The following ANK3 variants were observed in gnomAD, a reference collection of about 807,000 sequenced individuals.
The protein encoded by ANK3 is ankyrin 3, also known as ankyrin-3.
A neutral mutation model predicts 370.9 loss-of-function variants in ANK3; 57 were observed. That is an observed-to-expected ratio of 0.15 (90% CI 0.12 to 0.19). ANK3 has a LOEUF of 0.19. ANK3 is among the 10% of genes least tolerant of loss of function. The pLI, the probability that ANK3 is intolerant of heterozygous loss-of-function variation, is 1.00. For synonymous variants in ANK3, 1,929 were observed against 1,946.3 expected, an observed-to-expected ratio of 0.99 and a Z score of 0.23; for missense variants, 4,439 against 5,302.1, an observed-to-expected ratio of 0.84 and a Z score of 5.06.
At chr10:60,385,726 A>C (rs2062175626) in intron 1 of ANK3, among the ~76,000 whole-genome samples, 1 of 152,174 alleles carries the variant, frequency 6.6e-6, no homozygotes, top group African/African-American at 2.4e-5. Flanking sequence ...ATAGAGAGAG[A>C]TCTACCTACC....
At chr10:60,269,760 A>G (rs2132669515) in intron 5 of ANK3, among the ~76,000 whole-genome samples, 1 of 152,156 alleles carries the variant, frequency 6.6e-6, no homozygotes, top group East Asian at 1.9e-4. Flanking sequence ...AATTTGGAAA[A>G]ACAATTTAAA....
chr10:60,524,771 TG>T lies in ANK3; in HGVS notation c.96+90414del, dbSNP rs531407756. ...CCTGGGGGGTGGCGGATACTGAGAT[TG>T]GGGTCAAGTGAACTTGATTTGTCAT... On this transcript the variant is annotated intron_variant, in intron 2 of 43. Coordinates refer to the ANK3 transcript ENST00000373827. Among the ~76,000 whole-genome samples the T allele has an allele frequency of 1.8e-3, 280 of 152,152 alleles. 1 individual carries two copies. Among genetic ancestry groups the T allele is most frequent in the African/African-American group, 6.5e-3 (270 of 41,532 alleles).
chr10:60,639,347 C>T (rs1200296407), intron 1 of ANK3, among the ~76,000 whole-genome samples: 1 of 150,806 alleles, frequency 6.6e-6, no homozygotes, highest in African/African-American at 2.4e-5. Context: ...GAATTTATTA[C>T]CACTAGACCT....
chr10:60,156,874 T>C (rs1416843244), intron 23 of ANK3, among the ~76,000 whole-genome samples: 1 of 152,128 alleles, frequency 6.6e-6, no homozygotes, highest in Non-Finnish European at 1.5e-5. Flanking sequence ...AACTCTTTAA[T>C]GCCCAGGTAT....
At chr10:60,219,003 G>T (rs1272040366) in intron 8 of ANK3, among the ~76,000 whole-genome samples, 2 of 151,186 alleles carry the variant, frequency 1.3e-5, no homozygotes, top group African/African-American at 4.9e-5. Context: ...CTCTAGTCTT[G>T]TCTGCATGCC....
rs2082904578 is a variant in ANK3, at chr10:60,072,429, T to C, written c.8452A>G (p.Ser2818Gly). The C allele has an allele frequency of 6.2e-7, 1 of 1,614,008 alleles. No individual in the cohort carries two copies. The highest frequency in any genetic ancestry group is 8.5e-7 in the Non-Finnish European group (1 of 1,180,036). ...NVKKQRTEMS[S>G]KAMPDSFSEQ... ...GAAAAAGAGTCAGGCATTGCTTTAC[T>C]TGACATTTCAGTTCTCTGTTTTTTC... Residue 2818 changes from serine to glycine, a missense_variant, in exon 37 of 44, where the codon AGT (serine) becomes GGT (glycine). Physicochemically the swap from Ser to Gly is moderately conservative, Grantham distance 56. Around this residue, in one of 13 missense-constraint regions of ANK3, gnomAD observed 1,601 missense variants for 1,731.7 expected, o/e 0.92. Transcript: ENST00000280772.
At chr10:60,469,048 TATATATACCACTTTTA>T (rs2065090694) in intron 2 of ANK3, among the ~76,000 whole-genome samples, 7 of 95,704 alleles carry the variant, frequency 7.3e-5, no homozygotes, top group African/African-American at 2.7e-4. Context: ...TATATATATA[TATATATACCACTTTTA>T]GTATATATAT....
intron 1 of ANK3, among the ~76,000 whole-genome samples, chr10:60,638,249 CA>C (rs1221130441): frequency 1.3e-5 from 2 of 152,126 alleles, no homozygotes; most frequent in Admixed American, 1.3e-4. Context: ...ATGTTGCCAT[CA>C]GCCAGAGTGG....
At chr10:60,268,642 T>C (rs1021326090) in intron 5 of ANK3, among the ~76,000 whole-genome samples, 3 of 151,804 alleles carry the variant, frequency 2.0e-5, no homozygotes, top group African/African-American at 7.2e-5. Flanking sequence ...ATATATTTGA[T>C]ATATCTAATA....
intron 2 of ANK3, among the ~76,000 whole-genome samples, chr10:60,419,244 A>T (rs998686348): frequency 4.6e-5 from 7 of 152,158 alleles, no homozygotes; most frequent in South Asian, 2.1e-4. Context: ...TTTCAGCTTC[A>T]TCTTAGTCAT....
intron 1 of ANK3, among the ~76,000 whole-genome samples, chr10:60,722,305 G>T (rs1030726295): frequency 6.6e-6 from 1 of 152,004 alleles, no homozygotes; most frequent in Non-Finnish European, 1.5e-5. Context: ...TGCCAGCCAG[G>T]TGTGGCAGCA....
chr10:60,120,201 G>C (rs960760310), intron 25 of ANK3, among the ~76,000 whole-genome samples: 3 of 152,216 alleles, frequency 2.0e-5, no homozygotes, highest in Non-Finnish European at 4.4e-5. Flanking sequence ...TGCTAAGAAC[G>C]TACATTGGAG....
At chr10:60,093,474 G>C (rs573127662) in intron 28 of ANK3, among the ~76,000 whole-genome samples, 1 of 152,270 alleles carries the variant, frequency 6.6e-6, no homozygotes, top group Non-Finnish European at 1.5e-5. Flanking sequence ...ATTTACTTGA[G>C]ATCAGTCTAG....
chr10:60,300,774 T>C (rs1320828148), intron 1 of ANK3, among the ~76,000 whole-genome samples: 1 of 152,168 alleles, frequency 6.6e-6, no homozygotes, highest in East Asian at 1.9e-4. Context: ...ACATTCCTTC[T>C]AAAGACAATA....
chr10:60,489,504 T>C (rs1264583676), intron 2 of ANK3, among the ~76,000 whole-genome samples: 1 of 152,172 alleles, frequency 6.6e-6, no homozygotes, highest in African/African-American at 2.4e-5. Context: ...CCATCTGTGA[T>C]CATATAACTC....
chr10:60,228,430 A>T (rs1224892189), intron 8 of ANK3, among the ~76,000 whole-genome samples: 1 of 151,452 alleles, frequency 6.6e-6, no homozygotes, highest in African/African-American at 2.4e-5. Context: ...GCTACTCAGG[A>T]GACAGGTACG....
chr10:60,678,664 C>G (rs1056285332), intron 1 of ANK3, among the ~76,000 whole-genome samples: 1 of 152,088 alleles, frequency 6.6e-6, no homozygotes, highest in Non-Finnish European at 1.5e-5. Context: ...TTTTATTCTG[C>G]TTTAGTCAAC....
chr10:60,645,253 T>G (rs963162449), intron 1 of ANK3, among the ~76,000 whole-genome samples: 1 of 152,204 alleles, frequency 6.6e-6, no homozygotes, highest in African/African-American at 2.4e-5. Context: ...TGTGCAAACA[T>G]TCTATTAAAA....
intron 2 of ANK3, among the ~76,000 whole-genome samples, chr10:60,534,928 A>C (rs1217796074): frequency 6.6e-6 from 1 of 152,158 alleles, no homozygotes; most frequent in African/African-American, 2.4e-5. Flanking sequence ...AATCCCCAGC[A>C]GGATCACCTA....
Sources: gnomAD v4.1 joint callset for allele counts (sites outside exome capture counted in the v4.1 genomes callset) on GRCh38, gnomAD v4.1.1 for gene constraint, gnomAD v4.1.1 regional missense constraint, MANE v1.5 for transcripts, NCBI Gene and HGNC (gene_info 2026-07-23, HGNC 2026-07-21) for gene names.